SPAG17: variants seen among roughly 807,000 people sequenced by gnomAD.
SPAG17 encodes sperm associated antigen 17, also known as sperm-associated antigen 17.
In SPAG17, 169 loss-of-function variants were observed where a neutral mutation model predicts 273.6. The ratio of observed to expected loss-of-function variants is 0.62; its 90% confidence interval spans 0.55 to 0.70. The LOEUF (loss-of-function observed/expected upper bound fraction) is 0.70, where lower values mean the gene tolerates loss of function less well. SPAG17 is among the 30% of genes least tolerant of loss of function. SPAG17 has a pLI of 0.00. For missense variants in SPAG17, 2,557 were observed against 2,627.8 expected, an observed-to-expected ratio of 0.97 and a Z score of 0.59; for synonymous variants, 825 against 873.2, an observed-to-expected ratio of 0.94 and a Z score of 0.97.
intron 5 of SPAG17, among the ~76,000 whole-genome samples, chr1:118,101,481 G>A (rs1228821563): frequency 6.6e-6 from 1 of 152,200 alleles, no homozygotes; most frequent in Non-Finnish European, 1.5e-5. Context: ...CTCTCAGGGT[G>A]TCATGGGAGT....
At chr1:118,136,929 GGAA>G (rs1658401158) in intron 3 of SPAG17, among the ~76,000 whole-genome samples, 1 of 152,122 alleles carries the variant, frequency 6.6e-6, no homozygotes, top group South Asian at 2.1e-4. Flanking sequence ...CAAGTTGGCA[GGAA>G]GAAGAATTCT....
chr1:118,037,350 T>C (rs1290946021), intron 23 of SPAG17, among the ~76,000 whole-genome samples: 1 of 152,222 alleles, frequency 6.6e-6, no homozygotes, highest in Non-Finnish European at 1.5e-5. Context: ...CACTTTTTTT[T>C]CTTTTCTCAA....
intron 41 of SPAG17, 63 bp from the exon 42 acceptor site, chr1:117,983,976 T>C (rs1462348202): frequency 2.1e-5 from 15 of 710,038 alleles, no homozygotes; most frequent in Admixed American, 5.0e-5. Flanking sequence ...GTCGCAAATA[T>C]GTTAAATTAA....
At chr1:118,158,009 TC>T (rs1263759058) in intron 1 of SPAG17, among the ~76,000 whole-genome samples, 2 of 152,154 alleles carry the variant, frequency 1.3e-5, no homozygotes, top group Admixed American at 6.5e-5. Flanking sequence ...AACAGTTGCA[TC>T]ACAAAAAGGC....
At chr1:118,076,131 C>A (rs150107871) in intron 15 of SPAG17, among the ~76,000 whole-genome samples, 4 of 151,954 alleles carry the variant, frequency 2.6e-5, no homozygotes, top group African/African-American at 9.6e-5. Context: ...ATATATTAAA[C>A]GTGGAAATTA....
intron 20 of SPAG17, among the ~76,000 whole-genome samples, chr1:118,050,629 G>C (rs1650888705): frequency 1.3e-5 from 2 of 152,150 alleles, no homozygotes; most frequent in South Asian, 4.1e-4. Flanking sequence ...TAGATGCCAA[G>C]AACACAAAAT....
chr1:117,996,235 G>T (rs1657635329), intron 34 of SPAG17, 135 bp downstream of exon 34: 3 of 978,362 alleles, frequency 3.1e-6, no homozygotes, highest in African/African-American at 1.6e-5. Flanking sequence ...ACTTATTTCT[G>T]CTCTACTTTC....
intron 5 of SPAG17, among the ~76,000 whole-genome samples, chr1:118,100,257 G>T (rs1277384089): frequency 6.6e-6 from 1 of 152,176 alleles, no homozygotes; most frequent in Non-Finnish European, 1.5e-5. Context: ...CCCTTAAAAA[G>T]TGTTGTATGC....
At chr1:118,070,840 C>T (rs1446269200) in intron 17 of SPAG17, among the ~76,000 whole-genome samples, 1 of 152,058 alleles carries the variant, frequency 6.6e-6, no homozygotes, top group African/African-American at 2.4e-5. Flanking sequence ...ACAGTTATTG[C>T]ACATCTCAAT....
At chr1:118,045,617 A>G in intron 20 of SPAG17, among the ~76,000 whole-genome samples, 2 of 152,230 alleles carry the variant, frequency 1.3e-5, no homozygotes, top group African/African-American at 4.8e-5. Flanking sequence ...CTTATGAGAC[A>G]TAAGCTTTCT....
At chr1:118,097,243 G>A (rs962709223) in intron 7 of SPAG17, among the ~76,000 whole-genome samples, 1 of 151,548 alleles carries the variant, frequency 6.6e-6, no homozygotes, top group Non-Finnish European at 1.5e-5. Context: ...AAAAAAAAGG[G>A]GGGAATAAAA....
At chr1:117,990,967 G>C in intron 37 of SPAG17, 61 bp from the exon 38 acceptor site, 2 of 961,196 alleles carry the variant, frequency 2.1e-6, no homozygotes, top group Non-Finnish European at 3.0e-6. Flanking sequence ...ACTTTGTTTA[G>C]AAACATTCTC....
chr1:117,970,037 G>T lies in SPAG17; in HGVS notation c.6387+19C>A. On this transcript the variant is annotated intron_variant, in intron 46 of 48. Coordinates refer to ENST00000336338, the MANE Select transcript of SPAG17 (RefSeq NM_206996.4). Reference sequence around the variant, plus strand: ...TGCATGCACGCAAGCACACACAACAGATGACATATAGGACTTACAGGTCCA... The same window carrying T: ...TGCATGCACGCAAGCACACACAACATATGACATATAGGACTTACAGGTCCA... 1 of 1,611,832 alleles carries T rather than the reference G, an allele frequency of 6.2e-7. No individual in the cohort carries two copies. Among genetic ancestry groups the T allele is most frequent in the Non-Finnish European group, 8.5e-7 (1 of 1,178,852 alleles).
At chr1:118,173,069 A>G (rs1476635628) in intron 1 of SPAG17, among the ~76,000 whole-genome samples, 1 of 152,138 alleles carries the variant, frequency 6.6e-6, no homozygotes. Context: ...AAAAAATCTT[A>G]GATCAGAGTG....
intron 1 of SPAG17, among the ~76,000 whole-genome samples, chr1:118,152,917 A>G (rs1015895207): frequency 1.3e-5 from 2 of 152,218 alleles, no homozygotes; most frequent in Non-Finnish European, 2.9e-5. Context: ...ATTTCACAAT[A>G]AAGTACACAC....
chr1:118,005,721 G>T, intron 31 of SPAG17, 119 bp from the exon 32 acceptor site: 1 of 689,130 alleles, frequency 1.5e-6, no homozygotes, highest in Non-Finnish European at 2.1e-6. Flanking sequence ...TGTGTTTGCA[G>T]GAGGAAAACA....
At chr1:118,153,549 T>G (rs1220522603) in intron 1 of SPAG17, among the ~76,000 whole-genome samples, 1 of 152,118 alleles carries the variant, frequency 6.6e-6, no homozygotes, top group Non-Finnish European at 1.5e-5. Flanking sequence ...GTATAGGCCT[T>G]CAAAAATAGA....
intron 37 of SPAG17, 48 bp downstream of exon 37, chr1:117,991,367 A>T: frequency 8.9e-7 from 1 of 1,127,014 alleles, no homozygotes; most frequent in Non-Finnish European, 1.3e-6. Flanking sequence ...TGAAACATTT[A>T]ATATTGAAAC....
chr1:117,969,078 G>T (rs982299016), intron 46 of SPAG17, among the ~76,000 whole-genome samples: 1 of 152,146 alleles, frequency 6.6e-6, no homozygotes, highest in African/African-American at 2.4e-5. Context: ...AAAGACAAAT[G>T]TGACTTTATT....
Sources: gnomAD v4.1 joint callset for allele counts (sites outside exome capture counted in the v4.1 genomes callset) on GRCh38, gnomAD v4.1.1 for gene constraint, MANE v1.5 for transcripts, NCBI Gene and HGNC (gene_info 2026-07-23, HGNC 2026-07-21) for gene names.